LRP2: variants seen among roughly 807,000 people sequenced by gnomAD.
LRP2 encodes the protein LDL receptor related protein 2.
A neutral mutation model predicts 531.0 loss-of-function variants in LRP2; 172 were observed. The ratio of observed to expected loss-of-function variants is 0.32; its 90% CI spans 0.29 to 0.37. The LOEUF is 0.37. Ranked by LOEUF, LRP2 falls within the 10% of genes least tolerant of loss-of-function variation. The pLI, the probability that LRP2 is intolerant of heterozygous loss-of-function variation, is 1.00. For synonymous variants in LRP2, 1,992 were observed against 2,027.6 expected (o/e 0.98, Z 0.47); for missense variants, 5,167 against 5,868.3 (o/e 0.88, Z 3.90).
rs756821187 is a variant in LRP2 at position 169,235,848 on chromosome 2, T to C, written c.4912A>G (p.Ser1638Gly). 9 of 1,613,682 alleles carry C rather than the reference T, an allele frequency of 5.6e-6. No homozygotes were observed. The highest frequency in any genetic ancestry group is 7.6e-6 in the Non-Finnish European group (9 of 1,179,672). Residue 1638 changes from serine to glycine, a missense_variant, in exon 29 of 79, where the codon AGT (serine) becomes GGT (glycine). Physicochemically the swap from Ser to Gly is moderately conservative, Grantham distance 56 (BLOSUM62 0). This residue lies in a region of LRP2 where 2,811 missense variants were observed against 3,058.0 expected (regional missense o/e 0.92). Transcript: ENST00000649046. ...NGHHRRQVIASDLIIRHPYAL... is the reference protein window; with the variant it reads ...NGHHRRQVIAGDLIIRHPYAL... ...CCTCACCACCAACTTACCAAATCAC[T>C]GGCTATCACCTGTCTCCGATGGTGT...
rs1689641436 is a variant in LRP2 at position 169,237,267 on chromosome 2, G to A, written c.4527C>T (p.Ile1509=). The part of the protein sequence containing the change: ...DRRVVFDSSI[I]LTETIAIDWV... ...AATCTATTGCAATAGTTTCAGTCAA[G>A]ATGATGCTACTGTCAAATACCTAAA... The change falls in exon 28 of 79, where the codon ATC becomes ATT. Residue 1509 remains isoleucine, a synonymous_variant. Coordinates refer to ENST00000649046, the MANE Select transcript of LRP2 (RefSeq NM_004525.3). 1 of 1,613,320 alleles carries A rather than the reference G, an allele frequency of 6.2e-7. No individual in the cohort carries two copies. The highest frequency in any genetic ancestry group is 2.2e-5 in the East Asian group (1 of 44,834).
chr2:169,297,259 C>T (rs1684155825), intron 4 of LRP2, among the ~76,000 whole-genome samples: 1 of 152,192 alleles, frequency 6.6e-6, no homozygotes. Context: ...AATTCACAAT[C>T]CTTTGAGCTT....
At chr2:169,351,134 C>A (rs970590421) in intron 1 of LRP2, among the ~76,000 whole-genome samples, 5 of 152,178 alleles carry the variant, frequency 3.3e-5, no homozygotes, top group Admixed American at 6.5e-5. Flanking sequence ...AGTCAGGATA[C>A]ACTGTGTGTG....
At chr2:169,244,981 T>G (rs756867322) in intron 21 of LRP2, 49 bp from the exon 22 acceptor site, 1 of 1,610,822 alleles carries the variant, frequency 6.2e-7, no homozygotes, top group East Asian at 2.2e-5. Context: ...TTACAGCCTT[T>G]TAAATGAGTT....
chr2:169,215,812 T>G (rs896929875), intron 35 of LRP2, among the ~76,000 whole-genome samples: 3 of 148,316 alleles, frequency 2.0e-5, no homozygotes, highest in Admixed American at 1.4e-4. Context: ...ATATACCATA[T>G]AGTATAGATA....
At chr2:169,157,568 A>G in intron 63 of LRP2, 66 bp from the exon 64 acceptor site, 4 of 1,582,040 alleles carry the variant, frequency 2.5e-6, no homozygotes, top group Non-Finnish European at 2.6e-6. Flanking sequence ...TGGTGTATCA[A>G]AAGAAGCACC....
At chr2:169,331,221 C>T (rs544292823) in intron 1 of LRP2, among the ~76,000 whole-genome samples, 1 of 152,222 alleles carries the variant, frequency 6.6e-6, no homozygotes, top group Non-Finnish European at 1.5e-5. Flanking sequence ...GCAAACTTTT[C>T]CCGTCCGTAT....
rs1350726670 is a variant in LRP2 at position 169,271,042 on chromosome 2, T to C, written c.2182A>G (p.Thr728Ala). The C allele has an allele frequency of 6.2e-7, 1 of 1,612,910 alleles. No homozygotes were observed. The highest frequency in any genetic ancestry group is 2.2e-5 in the East Asian group (1 of 44,852). The change falls in exon 16 of 79, where the codon ACC becomes GCC. Residue 728 changes from threonine (T) to alanine (A), a missense_variant. By Grantham distance (58) the Thr-to-Ala change is moderately conservative. This residue lies in a region of LRP2 where 2,811 missense variants were observed against 3,058.0 expected (regional missense o/e 0.92). Coordinates refer to ENST00000649046, the MANE Select transcript of LRP2 (RefSeq NM_004525.3). The stretch of plus-strand genomic sequence containing the variant: ...ACTGGAACCATGACATCTTCCTGGG[T>C]AGACAAGGTGAACGGGATCCCACGA... Reference protein sequence around the residue: ...AIRGIPFTLSTQEDVMVPVSG... With the variant: ...AIRGIPFTLSAQEDVMVPVSG...
intron 34 of LRP2, among the ~76,000 whole-genome samples, chr2:169,217,861 T>C (rs1219559359): frequency 6.6e-6 from 1 of 152,222 alleles, no homozygotes; most frequent in African/African-American, 2.4e-5. Flanking sequence ...CTCAGGTTTC[T>C]CTATTCTGAA....
At chr2:169,194,541 G>T (rs1327088308) in intron 46 of LRP2, among the ~76,000 whole-genome samples, 1 of 152,060 alleles carries the variant, frequency 6.6e-6, no homozygotes, top group Non-Finnish European at 1.5e-5. Flanking sequence ...AACCCCACAT[G>T]TTCCTATTTA....
Position 169,233,157 on chromosome 2 carries a change from A to C in LRP2, c.5098+254T>G, listed in dbSNP as rs2239597. 0.36 allele frequency among the ~76,000 whole-genome samples: 55,195 copies of C among 152,106 alleles called. 10,397 individuals are homozygous for C. Among genetic ancestry groups the C allele is most frequent in the South Asian group, 0.6 (2,881 of 4,816 alleles). On this transcript the variant is annotated intron_variant, in intron 30 of 78. Transcript: ENST00000649046. ...GAAACGGAGACTCATGTGAGGGTCA[A>C]AGAGGTAGCAGCCAAATGCTGAAAT... is the stretch of plus-strand genomic sequence containing the variant.
At chr2:169,269,395 C>A (rs566035848) in intron 16 of LRP2, among the ~76,000 whole-genome samples, 2 of 152,110 alleles carry the variant, frequency 1.3e-5, no homozygotes, top group Non-Finnish European at 2.9e-5. Flanking sequence ...GGTACTGGTA[C>A]CAAAACAGAG....
intron 9 of LRP2, among the ~76,000 whole-genome samples, chr2:169,286,534 A>C (rs1683863173): frequency 6.6e-6 from 1 of 152,242 alleles, no homozygotes; most frequent in African/African-American, 2.4e-5. Flanking sequence ...TTGTTATGAC[A>C]GCCTTTCGCT....
chr2:169,178,659 T>C (rs1196314712), intron 52 of LRP2, among the ~76,000 whole-genome samples: 1 of 152,226 alleles, frequency 6.6e-6, no homozygotes, highest in African/African-American at 2.4e-5. Context: ...GGTTCTCCGA[T>C]TTCAAGATGT....
At chr2:169,219,106 C>T (rs979931805) in intron 34 of LRP2, among the ~76,000 whole-genome samples, 2 of 152,132 alleles carry the variant, frequency 1.3e-5, no homozygotes, top group Admixed American at 1.3e-4. Flanking sequence ...AGTAGAATTT[C>T]GAACCTAAGA....
Position 169,146,865 on chromosome 2 carries a change from C to G in LRP2, c.12685G>C (p.Gly4229Arg). ...DRNILVFEDLGWPTGLSIDYL... is the reference protein window; with the variant it reads ...DRNILVFEDLRWPTGLSIDYL... ...TCGATAGAAAGGCCAGTTGGCCAAC[C>G]AAGGTCCTCGAAAACCAGGATGTTG... The change falls in exon 69 of 79, where the codon GGT (glycine) becomes CGT (arginine). Residue 4229 changes from glycine to arginine, a missense_variant. Gly to Arg is a moderately radical substitution (Grantham distance 125). Transcript: ENST00000649046. 6.2e-7 allele frequency: 1 copy of G among 1,614,154 alleles called. No homozygotes were observed. The highest frequency in any genetic ancestry group is 8.5e-7 in the Non-Finnish European group (1 of 1,180,026).
rs1485541068 is a variant in LRP2 at position 169,174,065 on chromosome 2, G to A, written c.10868C>T (p.Ser3623Leu). The A allele has an allele frequency of 1.2e-6, 2 of 1,614,090 alleles. No individual in the cohort carries two copies. The highest frequency in any genetic ancestry group is 1.7e-6 in the Non-Finnish European group (2 of 1,180,060). The stretch of plus-strand genomic sequence containing the variant: ...GGCACAGTGGGAACTGTCTTCATCT[G>A]AGTTATCCTCACAGTCGTTAAATGT... The part of the protein sequence containing the change: ...CDTFNDCEDN[S>L]DEDSSHCASR... Residue 3623 changes from serine (S) to leucine (L), a missense_variant, in exon 56 of 79, where the codon TCA becomes TTA. Physicochemically the swap from Ser to Leu is moderately radical, Grantham distance 145. This residue lies in a region of LRP2 where 311 missense variants were observed against 309.4 expected (regional missense o/e 1.01). Coordinates refer to ENST00000649046, the MANE Select transcript of LRP2 (RefSeq NM_004525.3).
intron 31 of LRP2, among the ~76,000 whole-genome samples, chr2:169,227,633 T>A (rs934315265): frequency 6.6e-6 from 1 of 152,202 alleles, no homozygotes; most frequent in African/African-American, 2.4e-5. Context: ...GTTTTCATTA[T>A]TTTTATAATC....
Position 169,129,012 on chromosome 2 carries a change from C to T in LRP2, c.13800+1G>A, listed in dbSNP as rs1685191857. ...TGCTAAGAAAAATTGTTAAAAATTACCTGTGCATAGATTGGATTTTCAAAG... is the reference window on the plus strand; with the variant it reads ...TGCTAAGAAAAATTGTTAAAAATTATCTGTGCATAGATTGGATTTTCAAAG... On this transcript the variant is annotated splice_donor_variant, in intron 78 of 78. Transcript: ENST00000649046. LOFTEE classifies it high-confidence loss of function. 2 of 1,606,204 alleles carry T rather than the reference C, an allele frequency of 1.2e-6. No homozygotes were observed. Among genetic ancestry groups the T allele is most frequent in the African/African-American group, 1.3e-5 (1 of 74,834 alleles).
Sources: allele counts gnomAD v4.1 joint callset (sites outside exome capture counted in the v4.1 genomes callset), GRCh38; gene constraint gnomAD v4.1.1; regional missense constraint gnomAD v4.1.1; transcripts MANE v1.5; gene names NCBI Gene and HGNC (gene_info 2026-07-23, HGNC 2026-07-21).